MGMT: variants seen among roughly 807,000 people sequenced by gnomAD.
MGMT encodes methylated-DNA--protein-cysteine methyltransferase.
A neutral mutation model predicts 15.9 loss-of-function variants in MGMT; 14 were observed. The ratio of observed to expected loss-of-function variants is 0.88; its 90% confidence interval spans 0.58 to 1.37. The LOEUF is 1.37. Among genes scored for constraint, MGMT ranks in the 40% most tolerant of loss-of-function variants. The pLI, the probability that MGMT is intolerant of heterozygous loss-of-function variation, is 0.00. For missense variants in MGMT, 282 were observed against 268.1 expected (o/e 1.05, Z -0.36); for synonymous variants, 130 against 118.2 (o/e 1.10, Z -0.65).
intron 2 of MGMT, among the ~76,000 whole-genome samples, chr10:129,608,932 G>A (rs1846926292): frequency 1.3e-5 from 2 of 152,236 alleles, no homozygotes; most frequent in Admixed American, 1.3e-4. Flanking sequence ...TGTAGCAGTT[G>A]ATTTAAGTGA....
chr10:129,577,036 G>T (rs1325351145), intron 2 of MGMT, among the ~76,000 whole-genome samples: 1 of 151,932 alleles, frequency 6.6e-6, no homozygotes, highest in Non-Finnish European at 1.5e-5. Flanking sequence ...AAATAAAAGA[G>T]GATACAAACA....
At chr10:129,475,913 A>G (rs1315018524) in intron 1 of MGMT, among the ~76,000 whole-genome samples, 1 of 152,254 alleles carries the variant, frequency 6.6e-6, no homozygotes, top group Non-Finnish European at 1.5e-5. Flanking sequence ...CAGCAAGAGC[A>G]CAGGCTCTTG....
intron 2 of MGMT, among the ~76,000 whole-genome samples, chr10:129,542,894 G>A (rs529326259): frequency 2.6e-5 from 4 of 152,334 alleles, no homozygotes; most frequent in South Asian, 2.1e-4. Context: ...TAAATGATCA[G>A]TGGTGGATAG....
At chr10:129,606,010 G>A (rs549691648) in intron 2 of MGMT, among the ~76,000 whole-genome samples, 1 of 152,212 alleles carries the variant, frequency 6.6e-6, no homozygotes, top group Non-Finnish European at 1.5e-5. Context: ...TGAGGGCTGC[G>A]CAGTGCCTCT....
intron 1 of MGMT, among the ~76,000 whole-genome samples, chr10:129,496,166 C>G (rs755349686): frequency 2.0e-5 from 3 of 152,126 alleles, no homozygotes; most frequent in Non-Finnish European, 4.4e-5. Flanking sequence ...AATGTTGCTA[C>G]AAGCTGAAAA....
intron 3 of MGMT, among the ~76,000 whole-genome samples, chr10:129,722,582 C>G (rs747934238): frequency 1.1e-4 from 17 of 152,266 alleles, no homozygotes; most frequent in Admixed American, 2.6e-4. Flanking sequence ...TCAAGACTTC[C>G]TACAAATCTG....
At position 129,745,620 on chromosome 10, in the gene MGMT, A is replaced by G. The variant is rs189377295; in HGVS notation, c.275-13582A>G. 1.2e-4 allele frequency among the ~76,000 whole-genome samples: 19 copies of G among 152,290 alleles called. No homozygotes were observed. In the East Asian group the frequency reaches 3.1e-3, roughly 25 times the overall value. On this transcript the variant is annotated intron_variant, in intron 3 of 4. Transcript: ENST00000651593. ...TGAGTGTACGCTACCGTGTGGGTAT[A>G]TCTCCATTGATCTGTTTTTTATTTT...
intron 1 of MGMT, among the ~76,000 whole-genome samples, chr10:129,475,678 C>T (rs371570227): frequency 1.1e-4 from 17 of 152,254 alleles, no homozygotes; most frequent in Middle Eastern, 6.8e-3. Context: ...CTCTGCAGGC[C>T]GTCAGCCTCC....
At position 129,707,922 on chromosome 10, in the gene MGMT, G is replaced by A. The variant is rs141160047; in HGVS notation, c.153G>A (p.Ala51=). The A allele has an allele frequency of 2.5e-4, 406 of 1,612,248 alleles. 1 individual carries two copies. Among genetic ancestry groups the A allele is most frequent in the Non-Finnish European group, 3.2e-4 (372 of 1,179,992 alleles). ...ADAVEVPAPA[A]VLGGPEPLMQ... ...CCGTGGAGGTCCCAGCCCCCGCTGC[G>A]GTTCTCGGAGGTCCGGAGCCCCTGA... The change falls in exon 3 of 5, where the codon GCG becomes GCA. Residue 51 remains alanine, a synonymous_variant. Transcript: ENST00000651593.
intron 1 of MGMT, among the ~76,000 whole-genome samples, chr10:129,497,351 G>A (rs1845532635): frequency 6.6e-6 from 1 of 152,134 alleles, no homozygotes; most frequent in African/African-American, 2.4e-5. Context: ...GCAAGGGCGT[G>A]GTGAGGGCCC....
intron 4 of MGMT, among the ~76,000 whole-genome samples, chr10:129,761,559 TCTC>T (rs1218235497): frequency 6.6e-6 from 1 of 152,202 alleles, no homozygotes; most frequent in African/African-American, 2.4e-5. Context: ...GTGACTCTCT[TCTC>T]CTGCTATTAA....
chr10:129,721,411 C>T (rs955453698), intron 3 of MGMT, among the ~76,000 whole-genome samples: 1 of 152,184 alleles, frequency 6.6e-6, no homozygotes, highest in Admixed American at 6.5e-5. Flanking sequence ...CATTTGTAAA[C>T]CACATGAAAC....
rs990777619 is a variant in MGMT, at chr10:129,542,033, G to A, written c.125+5656G>A. On this transcript the variant is annotated intron_variant, in intron 2 of 4. Coordinates refer to ENST00000651593, the MANE Select transcript of MGMT (RefSeq NM_002412.5). ...CTGGAACGTGAGAACGTATCCTGCC[G>A]GGCCTCTGTGTTGAACCTGGGAGGA... 3.9e-5 allele frequency among the ~76,000 whole-genome samples: 6 copies of A among 152,010 alleles called. No individual in the cohort carries two copies. In the East Asian group the frequency reaches 7.7e-4, roughly 20 times the overall value.
intron 2 of MGMT, among the ~76,000 whole-genome samples, chr10:129,631,578 TTTGGTAGGC>T (rs1422350023): frequency 6.6e-6 from 1 of 152,156 alleles, no homozygotes; most frequent in African/African-American, 2.4e-5. Flanking sequence ...ATCCCAACAC[TTTGGTAGGC>T]CAAGGTGGGC....
In MGMT at chr10:129,533,478, G is replaced by A. The variant is rs1019016042; in HGVS notation, c.-12-2763G>A. ...CAGCAAACATGGCTCCATGGAGAGC[G>A]AAACCCAAGCTGGGCTGTTTACTGC... On this transcript the variant is annotated intron_variant, in intron 1 of 4. Transcript: ENST00000651593. This position sits in a 1 kb window ranked among gnomAD's most constrained non-coding sequence, Gnocchi z 4.5. Among the ~76,000 whole-genome samples the A allele has an allele frequency of 1.2e-4, 18 of 152,164 alleles. No individual in the cohort carries two copies. Among genetic ancestry groups the A allele is most frequent in the Admixed American group, 6.5e-5 (1 of 15,286 alleles).
chr10:129,568,463 C>T (rs187746946), intron 2 of MGMT, among the ~76,000 whole-genome samples: 11 of 152,154 alleles, frequency 7.2e-5, no homozygotes, highest in Non-Finnish European at 1.3e-4. Context: ...AAGACGACAC[C>T]GAAGAACTTC....
At chr10:129,710,539 C>T (rs936965675) in intron 3 of MGMT, among the ~76,000 whole-genome samples, 4 of 152,220 alleles carry the variant, frequency 2.6e-5, no homozygotes, top group African/African-American at 9.6e-5. Flanking sequence ...CAATCGTTTA[C>T]TCCTGGGCAG....
rs143890520 is a variant in MGMT at position 129,519,130 on chromosome 10, G to A, written c.-12-17111G>A. On this transcript the variant is annotated intron_variant, in intron 1 of 4. Transcript: ENST00000651593. The stretch of plus-strand genomic sequence containing the variant: ...TTATCTGTCATAATTAAGACTCGGA[G>A]ACTACCAAGCTGTCTTCGAGGGGAA... Among the ~76,000 whole-genome samples the A allele has an allele frequency of 9.0e-3, 1,364 of 152,322 alleles. 8 individuals carry two copies. Among genetic ancestry groups the A allele is most frequent in the Non-Finnish European group, 0.015 (1,051 of 68,036 alleles).
At chr10:129,718,143 G>A (rs1051670485) in intron 3 of MGMT, among the ~76,000 whole-genome samples, 2 of 152,202 alleles carry the variant, frequency 1.3e-5, no homozygotes, top group Non-Finnish European at 2.9e-5. Context: ...TTAAGGCCAG[G>A]ACTTCTAATG....
Sources: allele counts gnomAD v4.1 joint callset (sites outside exome capture counted in the v4.1 genomes callset), GRCh38; gene constraint gnomAD v4.1.1; non-coding constraint Gnocchi (gnomAD v3.1); transcripts MANE v1.5; gene names NCBI Gene and HGNC (gene_info 2026-07-23, HGNC 2026-07-21).